The following FAT2 variants were observed in gnomAD, a reference collection of about 807,000 sequenced individuals.
FAT2 encodes protocadherin Fat 2.
In FAT2, 150 loss-of-function variants were observed where a neutral mutation model predicts 295.3. The observed-to-expected ratio is 0.51, with a 90% CI of 0.44 to 0.58. The LOEUF is 0.58. Among genes scored for constraint, FAT2 ranks in the 20% least tolerant of loss-of-function variants. FAT2 has a pLI of 0.00. For synonymous variants in FAT2, 2,026 were observed against 2,150.3 expected (o/e 0.94, Z 1.60); for missense variants, 4,868 against 5,442.7 (o/e 0.89, Z 3.32).
At chr5:151,546,709 C>T (rs948093874) in intron 9 of FAT2, among the ~76,000 whole-genome samples, 39 of 151,934 alleles carry the variant, frequency 2.6e-4, no homozygotes, top group Non-Finnish European at 5.3e-4. Context: ...AATTTTTAAC[C>T]ATCTTTTGTA....
At chr5:151,542,123 A>G (rs376114796) in intron 10 of FAT2, among the ~76,000 whole-genome samples, 162 bp downstream of exon 10, 1 of 152,342 alleles carries the variant, frequency 6.6e-6, no homozygotes, top group South Asian at 2.1e-4. Context: ...CATGCATGCC[A>G]AGTCTATAGG....
Position 151,505,481 on chromosome 5 carries a change from C to T in FAT2, c.*84G>A. On this transcript the variant is annotated 3_prime_UTR_variant, in exon 24 of 24. Coordinates refer to ENST00000261800, the MANE Select transcript of FAT2 (RefSeq NM_001447.3). ...CTTCCCTCCCACTCTCCCAGCCACA[C>T]TCAACTCACCCCCTACGAGACAGGA... 1.3e-6 allele frequency: 2 copies of T among 1,543,832 alleles called. No individual in the cohort carries two copies. Among genetic ancestry groups the T allele is most frequent in the African/African-American group, 1.4e-5 (1 of 72,156 alleles).
In FAT2 at chr5:151,542,587, A is replaced by C; in HGVS notation, c.8540T>G (p.Leu2847Arg). The C allele has an allele frequency of 6.2e-7, 1 of 1,614,178 alleles. No homozygotes were observed. Among genetic ancestry groups the C allele is most frequent in the South Asian group, 1.1e-5 (1 of 91,084 alleles). ...ACCACTCTCACTGTCAATGGCAAAG[A>C]GCTCATGGACATTGCTACCAGGGTC... ...SADPGSNVHE[L>R]FAIDSESGWI... The change falls in exon 10 of 24, where the codon CTC (leucine) becomes CGC (arginine). Residue 2847 changes from leucine to arginine, a missense_variant. This residue lies in a region of FAT2 where 3,297 missense variants were observed against 3,669.4 expected (regional missense o/e 0.90). Transcript: ENST00000261800.
intron 3 of FAT2, among the ~76,000 whole-genome samples, chr5:151,562,953 G>T (rs571026454): frequency 6.6e-6 from 1 of 152,206 alleles, no homozygotes; most frequent in African/African-American, 2.4e-5. Flanking sequence ...ACTCAGGAGA[G>T]AGTCAGGTTG....
At position 151,521,515 on chromosome 5, in the gene FAT2, A is replaced by G; in HGVS notation, c.11078T>C (p.Phe3693Ser). Residue 3693 changes from phenylalanine to serine, a missense_variant, in exon 19 of 24, where the codon TTC becomes TCC. Physicochemically the swap from Phe to Ser is radical, Grantham distance 155. This residue lies in a region of FAT2 where 1,046 missense variants were observed against 1,210.1 expected (regional missense o/e 0.86). Transcript: ENST00000261800. ...GGATGCTAGCTCCTGAAACTCGTAG[A>G]AGGTTCCAGAATGCCCCTCAAAGAC... is the stretch of plus-strand genomic sequence containing the variant. ...LLVFEGHSGT[F>S]YEFQELASII... 1 of 1,614,206 alleles carries G rather than the reference A, an allele frequency of 6.2e-7. No individual in the cohort carries two copies. The highest frequency in any genetic ancestry group is 2.2e-5 in the East Asian group (1 of 44,874).
In FAT2 at chr5:151,505,290, G is replaced by A. The variant is rs165340; in HGVS notation, c.*275C>T. On this transcript the variant is annotated 3_prime_UTR_variant, in exon 24 of 24. Coordinates refer to ENST00000261800, the MANE Select transcript of FAT2 (RefSeq NM_001447.3). ...AGCCCTCCTGTCTCTCGCCCACCCC[G>A]GGAGTCAATTGTTCCTGGTTTTCCA... 85,023 of 507,342 alleles carry A rather than the reference G, an allele frequency of 0.17. 8,046 individuals are homozygous for A. Among genetic ancestry groups the A allele is most frequent in the Non-Finnish European group, 0.21 (60,680 of 289,066 alleles). 31.4% of individuals were successfully genotyped at this position (507,342 alleles called of 1,614,324 possible).
rs777381994 is a variant in FAT2 at position 151,591,303 on chromosome 5, G to A, written c.-159C>T. Among the ~76,000 whole-genome samples, 1 of 152,224 alleles carries A rather than the reference G, an allele frequency of 6.6e-6. No homozygotes were observed. The highest frequency in any genetic ancestry group is 2.4e-5 in the African/African-American group (1 of 41,456). ...AGGCGCGCAGCCCGCAGCCGGAGAG[G>A]CTGCTGAGAAAGTTGGAGTAGGTGT... On this transcript the variant is annotated 5_prime_UTR_variant, in exon 1 of 24. Transcript: ENST00000261800.
At chr5:151,523,580 T>G (rs1753704153) in intron 18 of FAT2, among the ~76,000 whole-genome samples, 1 of 152,170 alleles carries the variant, frequency 6.6e-6, no homozygotes, top group South Asian at 2.1e-4. Context: ...ACGGGACCAA[T>G]GCAATTGATG....
intron 2 of FAT2, among the ~76,000 whole-genome samples, chr5:151,564,844 G>A (rs1028115755): frequency 4.6e-5 from 7 of 152,134 alleles, no homozygotes; most frequent in Non-Finnish European, 8.8e-5. Context: ...AGGCCAAGAC[G>A]GGTGGATCAC....
chr5:151,539,109 G>C (rs1268672477), intron 11 of FAT2, among the ~76,000 whole-genome samples: 1 of 152,100 alleles, frequency 6.6e-6, no homozygotes, highest in African/African-American at 2.4e-5. Flanking sequence ...TGGTTGTAAT[G>C]ATGGCTGAGG....
At chr5:151,508,709 CAAA>C (rs577518222) in intron 22 of FAT2, among the ~76,000 whole-genome samples, 2 of 110,128 alleles carry the variant, frequency 1.8e-5, no homozygotes, top group Non-Finnish European at 1.9e-5. Context: ...AACTCCTTCT[CAAA>C]AAAAAAAAAA....
intron 8 of FAT2, among the ~76,000 whole-genome samples, chr5:151,549,844 C>T (rs1238718910): frequency 3.3e-5 from 5 of 152,276 alleles, no homozygotes; most frequent in Admixed American, 6.5e-5. Context: ...ATTATATGGT[C>T]ACATAAATTT....
rs1408332818 is a variant in FAT2, at chr5:151,518,775, T to G, written c.11318-1010A>C. ...AGCATCTTTGACTGTGGGACACTCT[T>G]ATGTGGACCACTCTTGGGAATAGCA... On this transcript the variant is annotated intron_variant, in intron 19 of 23. Transcript: ENST00000261800. Among the ~76,000 whole-genome samples the G allele has an allele frequency of 2.0e-5, 3 of 152,346 alleles. No individual in the cohort carries two copies. In the East Asian group the frequency reaches 5.8e-4, roughly 29 times the overall value.
intron 9 of FAT2, among the ~76,000 whole-genome samples, chr5:151,548,259 G>T (rs1756848390): frequency 6.6e-6 from 1 of 151,740 alleles, no homozygotes; most frequent in South Asian, 2.1e-4. Context: ...TTTCTTCTTG[G>T]TTTCTCATAG....
At chr5:151,569,744 GT>G (rs1440851612) in intron 1 of FAT2, among the ~76,000 whole-genome samples, 1 of 152,238 alleles carries the variant, frequency 6.6e-6, no homozygotes, top group Non-Finnish European at 1.5e-5. Flanking sequence ...CAGGAACCAA[GT>G]TTAGCTATCT....
intron 18 of FAT2, among the ~76,000 whole-genome samples, chr5:151,523,379 T>C (rs1312465974): frequency 1.3e-5 from 2 of 152,188 alleles, no homozygotes; most frequent in Non-Finnish European, 2.9e-5. Flanking sequence ...TTTATCCTTC[T>C]TATGAGATAG....
At chr5:151,513,529 T>A (rs192114561) in intron 20 of FAT2, among the ~76,000 whole-genome samples, 12 of 152,194 alleles carry the variant, frequency 7.9e-5, no homozygotes, top group African/African-American at 2.6e-4. Context: ...CACTTACAAG[T>A]GGGAACTAAA....
At chr5:151,587,633 C>T (rs948051536) in intron 1 of FAT2, among the ~76,000 whole-genome samples, 3 of 152,174 alleles carry the variant, frequency 2.0e-5, no homozygotes, top group African/African-American at 7.2e-5. Flanking sequence ...CCTGGGTTTG[C>T]CTGTGTTTTA....
rs1400206618 is a variant in FAT2 at position 151,566,471 on chromosome 5, G to T, written c.2461C>A (p.Pro821Thr). Residue 821 changes from proline (P) to threonine (T), a missense_variant, in exon 2 of 24, where the codon CCT becomes ACT. Physicochemically the swap from Pro to Thr is conservative, Grantham distance 38. Around this residue, in one of 5 missense-constraint regions of FAT2, gnomAD observed 3,297 missense variants for 3,669.4 expected, o/e 0.90. Coordinates refer to ENST00000261800, the MANE Select transcript of FAT2 (RefSeq NM_001447.3). Reference protein sequence around the residue: ...KDWNDNAPRFPPGGYQLTISE... With the variant: ...KDWNDNAPRFTPGGYQLTISE... ...ATGGTTAACTGGTACCCACCGGGAGGAAATCTGGGTGCGTTGTCATTCCAG... is the reference window on the plus strand; with the variant it reads ...ATGGTTAACTGGTACCCACCGGGAGTAAATCTGGGTGCGTTGTCATTCCAG... 6.2e-7 allele frequency: 1 copy of T among 1,613,726 alleles called. No homozygotes were observed. The highest frequency in any genetic ancestry group is 8.5e-7 in the Non-Finnish European group (1 of 1,179,844).
Sources: gnomAD v4.1 joint callset for allele counts (sites outside exome capture counted in the v4.1 genomes callset) on GRCh38, gnomAD v4.1.1 for gene constraint, gnomAD v4.1.1 regional missense constraint, MANE v1.5 for transcripts, NCBI Gene and HGNC (gene_info 2026-07-23, HGNC 2026-07-21) for gene names.